Variants in INVS observed in about 807,000 individuals in gnomAD.
INVS encodes the protein inversion of embryo turning homolog.
In INVS, 86 loss-of-function variants were observed where a neutral mutation model predicts 108.8. The observed-to-expected ratio is 0.79, with a 90% CI of 0.66 to 0.95. INVS has a LOEUF of 0.95. Ranked by LOEUF, INVS falls within the 40% of genes least tolerant of loss-of-function variation. The pLI is 0.00. For synonymous variants in INVS, 455 were observed against 473.5 expected (o/e 0.96, Z 0.51); for missense variants, 1,169 against 1,297.4 (o/e 0.90, Z 1.52).
intron 4 of INVS, among the ~76,000 whole-genome samples, 192 bp downstream of exon 4, chr9:100,226,427 T>C (rs1831324114): frequency 1.3e-5 from 2 of 152,170 alleles, no homozygotes; most frequent in Admixed American, 1.3e-4. Context: ...CCATGTGTGT[T>C]AGGTAGTATC....
intron 3 of INVS, among the ~76,000 whole-genome samples, chr9:100,140,619 A>G (rs573704151): frequency 4.6e-4 from 70 of 152,288 alleles, no homozygotes; most frequent in African/African-American, 1.6e-3. Flanking sequence ...AATAAGAAAA[A>G]TAAAACAAAA....
chr9:100,176,368 T>C (rs1160482724), intron 3 of INVS, among the ~76,000 whole-genome samples: 6 of 152,222 alleles, frequency 3.9e-5, no homozygotes, highest in African/African-American at 1.4e-4. Context: ...CTAGTTTGAA[T>C]ATCTTTAGGA....
intron 1 of INVS, among the ~76,000 whole-genome samples, chr9:100,103,680 G>A (rs1346226213): frequency 6.8e-6 from 1 of 146,024 alleles, no homozygotes; most frequent in African/African-American, 2.5e-5. Flanking sequence ...GAAAGGAGAG[G>A]CGAGGGGAGG....
chr9:100,259,763 T>C (rs1832552819), intron 10 of INVS, among the ~76,000 whole-genome samples: 1 of 152,090 alleles, frequency 6.6e-6, no homozygotes, highest in African/African-American at 2.4e-5. Flanking sequence ...TTGGCCAGGC[T>C]GGTCTCGAAC....
Position 100,292,725 on chromosome 9 carries a change from A to G in INVS, c.2468A>G (p.Gln823Arg), listed in dbSNP as rs752586599. ...SARGEAVHAGQNPPHHRTPRN... is the reference protein window; with the variant it reads ...SARGEAVHAGRNPPHHRTPRN... ...CGGGGGGAGGCGGTCCATGCTGGGC[A>G]GAATCCTCCCCACCATCGTACACCA... The change falls in exon 14 of 17, where the codon CAG (glutamine) becomes CGG (arginine). Residue 823 changes from glutamine to arginine, a missense_variant. Transcript: ENST00000262457. The G allele has an allele frequency of 2.5e-6, 4 of 1,614,172 alleles. No individual in the cohort carries two copies. The Admixed American group carries it at 6.7e-5, about 27-fold the overall frequency.
At chr9:100,120,619 TC>T (rs1210520039) in intron 2 of INVS, 1 of 152,380 alleles carries the variant, frequency 6.6e-6, no homozygotes, top group African/African-American at 2.4e-5. Context: ...TACCATCCTT[TC>T]TTTCCACAAA....
In INVS at chr9:100,100,557, T is replaced by G. The variant is rs1307239689; in HGVS notation, c.-25+1141T>G. Among the ~76,000 whole-genome samples, 3 of 119,214 alleles carry G rather than the reference T, an allele frequency of 2.5e-5. No homozygotes were observed. In the Admixed American group the frequency reaches 3.7e-4, roughly 15 times the overall value. The allele number at this position is 119,214 out of a possible 152,430, so 78.2% of individuals were successfully genotyped here. ...TTACTGTGCTAAGTGCTAAGAATTA[T>G]GAAGTAAAAAGTATATATATATAAT... On this transcript the variant is annotated intron_variant, in intron 1 of 16. Transcript: ENST00000262457.
chr9:100,235,899 T>A (rs1200576531), intron 5 of INVS, among the ~76,000 whole-genome samples: 2 of 152,218 alleles, frequency 1.3e-5, no homozygotes, highest in Non-Finnish European at 2.9e-5. Flanking sequence ...ATTTCCTGAA[T>A]TTGAATATTG....
chr9:100,106,309 C>G (rs181601188), intron 2 of INVS, among the ~76,000 whole-genome samples: 1 of 152,314 alleles, frequency 6.6e-6, no homozygotes, highest in East Asian at 1.9e-4. Context: ...CCTGTCTTCT[C>G]AGGGACATTG....
rs779947550 is a variant in INVS, at chr9:100,264,772, A to T, written c.1465-50A>T. ...TTTGAATTAGCATAAATAACCACAT[A>T]TCCAAAAATACTTACTCCAGATGTA... On this transcript the variant is annotated intron_variant, in intron 10 of 16. Coordinates refer to ENST00000262457, the MANE Select transcript of INVS (RefSeq NM_014425.5). 25 of 1,235,434 alleles carry T rather than the reference A, an allele frequency of 2.0e-5. No individual in the cohort carries two copies. In the Middle Eastern group the frequency reaches 5.6e-4, roughly 28 times the overall value. 76.5% of individuals were successfully genotyped at this position (1,235,434 alleles called of 1,614,324 possible). A position where few individuals can be genotyped will look rare whatever the true frequency, so the allele number is the denominator to read the frequency against.
chr9:100,243,486 C>T (rs1036002303), intron 7 of INVS, among the ~76,000 whole-genome samples: 8 of 152,090 alleles, frequency 5.3e-5, no homozygotes, highest in Admixed American at 1.3e-4. Flanking sequence ...AATGCAAAAA[C>T]GAATTATTTC....
At chr9:100,191,250 C>T (rs893854608) in intron 3 of INVS, among the ~76,000 whole-genome samples, 1 of 152,170 alleles carries the variant, frequency 6.6e-6, no homozygotes, top group Admixed American at 6.5e-5. Flanking sequence ...GGAAGTTCTC[C>T]TTAATTATTC....
intron 3 of INVS, among the ~76,000 whole-genome samples, chr9:100,167,076 C>T (rs927944352): frequency 6.6e-6 from 1 of 152,034 alleles, no homozygotes; most frequent in Admixed American, 6.6e-5. Flanking sequence ...ACTAAAAATA[C>T]AAAATTTACC....
intron 1 of INVS, chr9:100,101,580 G>A (rs1826994595): frequency 6.6e-6 from 1 of 152,178 alleles, no homozygotes; most frequent in South Asian, 2.1e-4. Context: ...GTAAGGAGCT[G>A]TGCTTTACCA....
intron 16 of INVS, among the ~76,000 whole-genome samples, chr9:100,300,290 ATTTG>A (rs1833924742): frequency 6.6e-6 from 1 of 152,210 alleles, no homozygotes; most frequent in South Asian, 2.1e-4. Context: ...GAGAGAATCT[ATTTG>A]TTATTTCAGG....
intron 3 of INVS, among the ~76,000 whole-genome samples, chr9:100,187,898 A>C (rs1041642125): frequency 2.6e-5 from 4 of 151,932 alleles, no homozygotes; most frequent in African/African-American, 9.7e-5. Context: ...GTATATTCCC[A>C]GTTTTTTGTT....
At chr9:100,200,067 G>T (rs935006166) in intron 3 of INVS, among the ~76,000 whole-genome samples, 6 of 151,800 alleles carry the variant, frequency 4.0e-5, no homozygotes, top group Admixed American at 3.9e-4. Flanking sequence ...CTATTTTTTA[G>T]TCTACTATTA....
rs190255531 is a variant in INVS at position 100,301,438 on chromosome 9, T to C, written c.*764T>C. On this transcript the variant is annotated 3_prime_UTR_variant, in exon 17 of 17. Coordinates refer to ENST00000262457, the MANE Select transcript of INVS (RefSeq NM_014425.5). ...GTCAGGTAGGGTTTACAGACCAGAC[T>C]GTTCATGCAGCAAGGTGCTAACTCA... Among the ~76,000 whole-genome samples, 515 of 152,328 alleles carry C rather than the reference T, an allele frequency of 3.4e-3. 3 individuals carry two copies. The highest frequency in any genetic ancestry group is 0.012 in the African/African-American group (485 of 41,578).
chr9:100,280,638 A>AT (rs949899728), intron 12 of INVS, among the ~76,000 whole-genome samples: 4 of 152,058 alleles, frequency 2.6e-5, no homozygotes, highest in Non-Finnish European at 1.5e-5. Flanking sequence ...TCTTTTTCTG[A>AT]TTTTTTTTCT....
Sources: gnomAD v4.1 joint callset for allele counts (sites outside exome capture counted in the v4.1 genomes callset) on GRCh38, gnomAD v4.1.1 for gene constraint, MANE v1.5 for transcripts, NCBI Gene and HGNC (gene_info 2026-07-23, HGNC 2026-07-21) for gene names.